Variants in TLX3 observed in about 807,000 individuals in gnomAD.
TLX3 encodes T-cell leukemia homeobox protein 3.
In TLX3, 11 loss-of-function variants were observed where a neutral mutation model predicts 19.6. The ratio of observed to expected loss-of-function variants is 0.56; its 90% CI spans 0.35 to 0.93. The LOEUF is 0.93. Among genes scored for constraint, TLX3 ranks in the 40% least tolerant of loss-of-function variants. The probability of loss-of-function intolerance (pLI) is 0.01; values close to 1 mark genes in which losing one functional copy is unlikely to be tolerated. For synonymous variants in TLX3, 221 were observed against 188.1 expected, an observed-to-expected ratio of 1.17 and a Z score of -1.43; for missense variants, 375 against 418.6, an observed-to-expected ratio of 0.90 and a Z score of 0.91.
Position 171,310,409 on chromosome 5 carries a change from C to G in TLX3, c.665+16C>G. 2 of 1,611,234 alleles carry G rather than the reference C, an allele frequency of 1.2e-6. No individual in the cohort carries two copies. Among genetic ancestry groups the G allele is most frequent in the South Asian group, 2.2e-5 (2 of 90,788 alleles). ...CCAAGTGGCGGTGAGAGAGGCCTGA[C>G]CCGGCCCACCTTACACCTGCCCTTC... On this transcript the variant is annotated intron_variant, in intron 2 of 2. Transcript: ENST00000296921.
chr5:171,311,300 C>A lies in TLX3; in HGVS notation c.666-89C>A. 8.1e-7 allele frequency: 1 copy of A among 1,231,592 alleles called. No individual in the cohort carries two copies. Among genetic ancestry groups the A allele is most frequent in the Non-Finnish European group, 1.1e-6 (1 of 900,562 alleles). 76.3% of individuals were successfully genotyped at this position (1,231,592 alleles called of 1,614,324 possible). On this transcript the variant is annotated intron_variant, in intron 2 of 2. Transcript: ENST00000296921. This position sits in a 1 kb window ranked among gnomAD's most constrained non-coding sequence, Gnocchi z 5.1. ...TCTGCGCCTCGAGGCTCCCGGATGG[C>A]CTCGGCTCCCGGGAGGGCCGGGGCC...
In TLX3 at chr5:171,311,322, G is replaced by T; in HGVS notation, c.666-67G>T. The T allele has an allele frequency of 6.9e-7, 1 of 1,449,194 alleles. No homozygotes were observed. The highest frequency in any genetic ancestry group is 9.2e-7 in the Non-Finnish European group (1 of 1,083,648). 89.8% of individuals were successfully genotyped at this position (1,449,194 alleles called of 1,614,324 possible). A position where few individuals can be genotyped will look rare whatever the true frequency, so the allele number is the denominator to read the frequency against. On this transcript the variant is annotated intron_variant, in intron 2 of 2. Transcript: ENST00000296921. This position sits in a 1 kb window ranked among gnomAD's most constrained non-coding sequence, Gnocchi z 5.1. ...TGGCCTCGGCTCCCGGGAGGGCCGG[G>T]GCCCCGCCGGCGGCCCCGCGGTGCC...
Position 171,310,226 on chromosome 5 carries a change from T to C in TLX3, c.498T>C (p.Arg166=). ...ACCAGAACCGGACGCCGCCCAAGCG[T>C]AAGAAGCCGCGCACGTCCTTTTCCC... ...HPYQNRTPPK[R]KKPRTSFSRV... is the part of the protein sequence containing the mutation. The change falls in exon 2 of 3, where the codon CGT becomes CGC. Residue 166 remains arginine, a synonymous_variant. Coordinates refer to ENST00000296921, the MANE Select transcript of TLX3 (RefSeq NM_021025.4). 1.3e-6 allele frequency: 2 copies of C among 1,557,802 alleles called. No individual in the cohort carries two copies. Among genetic ancestry groups the C allele is most frequent in the Admixed American group, 3.9e-5 (2 of 51,782 alleles).
At chr5:171,309,907 C>T (rs1401024797) in intron 1 of TLX3, 121 bp downstream of exon 1, 4 of 1,360,336 alleles carry the variant, frequency 2.9e-6, no homozygotes, top group Non-Finnish European at 3.9e-6. Flanking sequence ...AGGCCTCGGC[C>T]CCAGGGCCCC....
rs942959148 is a variant in TLX3 at position 171,311,973 on chromosome 5, C to A, written c.*374C>A. 7 of 196,836 alleles carry A rather than the reference C, an allele frequency of 3.6e-5. No homozygotes were observed. Among genetic ancestry groups the A allele is most frequent in the Non-Finnish European group, 7.4e-5 (7 of 94,640 alleles). 12.2% of individuals were successfully genotyped at this position (196,836 alleles called of 1,614,324 possible). On this transcript the variant is annotated 3_prime_UTR_variant, in exon 3 of 3. Coordinates refer to ENST00000296921, the MANE Select transcript of TLX3 (RefSeq NM_021025.4). This position sits in a 1 kb window ranked among gnomAD's most constrained non-coding sequence, Gnocchi z 5.1. Reference sequence around the variant, plus strand: ...GCTTTTTTCTTTAGAAACCGGCCACCTGCTTCCCCCGCGGGGGCCGCTGGA... The same window carrying A: ...GCTTTTTTCTTTAGAAACCGGCCACATGCTTCCCCCGCGGGGGCCGCTGGA...
Position 171,309,342 on chromosome 5 carries a change from G to T in TLX3, c.-24G>T, listed in dbSNP as rs1581210001. 1 of 580,044 alleles carries T rather than the reference G, an allele frequency of 1.7e-6. No homozygotes were observed. Among genetic ancestry groups the T allele is most frequent in the Non-Finnish European group, 2.9e-6 (1 of 342,274 alleles). The allele number at this position is 580,044 out of a possible 1,614,324, so 35.9% of individuals were successfully genotyped here. A position where few individuals can be genotyped will look rare whatever the true frequency, so the allele number is the denominator to read the frequency against. On this transcript the variant is annotated 5_prime_UTR_variant, in exon 1 of 3. Transcript: ENST00000296921. Reference sequence around the variant, plus strand: ...CCCAGCCGCCTCCCCGCCCAGCCCAGCCCAGCCCTTCCGCCCGCCCAGGAT... The same window carrying T: ...CCCAGCCGCCTCCCCGCCCAGCCCATCCCAGCCCTTCCGCCCGCCCAGGAT...
chr5:171,310,163 C>G lies in TLX3; in HGVS notation c.435C>G (p.Leu145=). 1 of 1,550,456 alleles carries G rather than the reference C, an allele frequency of 6.4e-7. No individual in the cohort carries two copies. The highest frequency in any genetic ancestry group is 8.7e-7 in the Non-Finnish European group (1 of 1,147,116). Residue 145 remains leucine (L), a synonymous_variant, in exon 2 of 3, where the codon CTC becomes CTG. Coordinates refer to ENST00000296921, the MANE Select transcript of TLX3 (RefSeq NM_021025.4). ...VKDRFTAAAA[L]TPFTVTRRIG... ...GTGTCTCCGCAGCGGCGGCCGCACT[C>G]ACGCCCTTCACCGTGACCCGGCGCA...
At position 171,311,782 on chromosome 5, in the gene TLX3, C is replaced by A. The variant is rs1031511306; in HGVS notation, c.*183C>A. ...AAGGGGGTAGGGCCCGAGCTCCGCG[C>A]GGCCGCACAATCCGAGCCCCCGCCC... On this transcript the variant is annotated 3_prime_UTR_variant, in exon 3 of 3. Coordinates refer to ENST00000296921, the MANE Select transcript of TLX3 (RefSeq NM_021025.4). This position sits in a 1 kb window ranked among gnomAD's most constrained non-coding sequence, Gnocchi z 5.1. 1.4e-5 allele frequency: 6 copies of A among 421,564 alleles called. No individual in the cohort carries two copies. The highest frequency in any genetic ancestry group is 3.8e-5 in the East Asian group (1 of 26,318). The allele number at this position is 421,564 out of a possible 1,614,324, so 26.1% of individuals were successfully genotyped here.
chr5:171,311,601 C>T lies in TLX3; in HGVS notation c.*2C>T, dbSNP rs747002973. 1.7e-5 allele frequency: 28 copies of T among 1,600,762 alleles called. No homozygotes were observed. In the Admixed American group the frequency reaches 4.7e-4, roughly 27 times the overall value. ...CCCGCTGTCACCTCCCTGGTGTGAG[C>T]CCACCAGCGCGCACCGTCGCCACGG... is the stretch of plus-strand genomic sequence containing the variant. On this transcript the variant is annotated 3_prime_UTR_variant, in exon 3 of 3. Coordinates refer to ENST00000296921, the MANE Select transcript of TLX3 (RefSeq NM_021025.4). This position sits in a 1 kb window ranked among gnomAD's most constrained non-coding sequence, Gnocchi z 5.1.
Position 171,311,329 on chromosome 5 carries a change from C to A in TLX3, c.666-60C>A. 6.8e-7 allele frequency: 1 copy of A among 1,472,444 alleles called. No individual in the cohort carries two copies. Among genetic ancestry groups the A allele is most frequent in the Non-Finnish European group, 9.1e-7 (1 of 1,101,928 alleles). The allele number at this position is 1,472,444 out of a possible 1,614,324, so 91.2% of individuals were successfully genotyped here. On this transcript the variant is annotated intron_variant, in intron 2 of 2. Coordinates refer to ENST00000296921, the MANE Select transcript of TLX3 (RefSeq NM_021025.4). This position sits in a 1 kb window ranked among gnomAD's most constrained non-coding sequence, Gnocchi z 5.1. ...GGCTCCCGGGAGGGCCGGGGCCCCGCCGGCGGCCCCGCGGTGCCGGGTGCA... is the reference window on the plus strand; with the variant it reads ...GGCTCCCGGGAGGGCCGGGGCCCCGACGGCGGCCCCGCGGTGCCGGGTGCA...
chr5:171,309,809 C>T (rs771279920), intron 1 of TLX3, 23 bp downstream of exon 1: 6 of 1,554,672 alleles, frequency 3.9e-6, no homozygotes, highest in Middle Eastern at 1.7e-4. Context: ...GGCGACCAGG[C>T]TCCAGGCCTC....
chr5:171,311,273 G>T lies in TLX3; in HGVS notation c.666-116G>T, dbSNP rs1045260667. 4 of 841,992 alleles carry T rather than the reference G, an allele frequency of 4.8e-6. No homozygotes were observed. Among genetic ancestry groups the T allele is most frequent in the Non-Finnish European group, 7.2e-6 (4 of 553,962 alleles). 52.2% of individuals were successfully genotyped at this position (841,992 alleles called of 1,614,324 possible). On this transcript the variant is annotated intron_variant, in intron 2 of 2. Transcript: ENST00000296921. This position sits in a 1 kb window ranked among gnomAD's most constrained non-coding sequence, Gnocchi z 5.1. ...AAAGCGCGGGCTGGGAGGCAGACGGGTTCTGCGCCTCGAGGCTCCCGGATG... is the reference window on the plus strand; with the variant it reads ...AAAGCGCGGGCTGGGAGGCAGACGGTTTCTGCGCCTCGAGGCTCCCGGATG...
rs763211166 is a variant in TLX3, at chr5:171,311,508, G to A, written c.785G>A (p.Cys262Tyr). 8 of 1,613,450 alleles carry A rather than the reference G, an allele frequency of 5.0e-6. No individual in the cohort carries two copies. The highest frequency in any genetic ancestry group is 6.8e-6 in the Non-Finnish European group (8 of 1,179,742). The change falls in exon 3 of 3, where the codon TGT becomes TAT. Residue 262 changes from cysteine to tyrosine, a missense_variant. Physicochemically the swap from Cys to Tyr is radical, Grantham distance 194 (BLOSUM62 -2). Transcript: ENST00000296921. The surrounding 1 kb of genome is among the most constrained non-coding windows in gnomAD (Gnocchi z 5.1). The stretch of plus-strand genomic sequence containing the variant: ...GACTCCATCCAGCCTGACCCGCTCT[G>A]TCTGCACAACTCGTCACTCTTTGCT... Reference protein sequence around the residue: ...LNDSIQPDPLCLHNSSLFALQ... With the variant: ...LNDSIQPDPLYLHNSSLFALQ...
intron 1 of TLX3, among the ~76,000 whole-genome samples, 169 bp from the exon 2 acceptor site, chr5:171,309,981 G>A (rs1212298641): frequency 6.6e-6 from 1 of 152,282 alleles, no homozygotes; most frequent in Admixed American, 6.5e-5. Flanking sequence ...CCCGGGGGAA[G>A]GGACAGGGGG....
At position 171,311,651 on chromosome 5, in the gene TLX3, G is replaced by T; in HGVS notation, c.*52G>T. 2.1e-6 allele frequency: 3 copies of T among 1,450,170 alleles called. No homozygotes were observed. Among genetic ancestry groups the T allele is most frequent in the Non-Finnish European group, 1.9e-6 (2 of 1,059,710 alleles). 89.8% of individuals were successfully genotyped at this position (1,450,170 alleles called of 1,614,324 possible). A position where few individuals can be genotyped will look rare whatever the true frequency, so the allele number is the denominator to read the frequency against. ...GATCGCCGCCCCCACCCAGCCGGGC[G>T]CCCCGGACCCCCCAGGCGGGCTGCG... On this transcript the variant is annotated 3_prime_UTR_variant, in exon 3 of 3. Coordinates refer to ENST00000296921, the MANE Select transcript of TLX3 (RefSeq NM_021025.4). This position sits in a 1 kb window ranked among gnomAD's most constrained non-coding sequence, Gnocchi z 5.1.
Position 171,311,254 on chromosome 5 carries a change from C to A in TLX3, c.666-135C>A, listed in dbSNP as rs918208852. On this transcript the variant is annotated intron_variant, in intron 2 of 2. Coordinates refer to ENST00000296921, the MANE Select transcript of TLX3 (RefSeq NM_021025.4). The surrounding 1 kb of genome is among the most constrained non-coding windows in gnomAD (Gnocchi z 5.1). ...ATATAAGAGCCTCGGGCGTAAAGCGCGGGCTGGGAGGCAGACGGGTTCTGC... is the reference window on the plus strand; with the variant it reads ...ATATAAGAGCCTCGGGCGTAAAGCGAGGGCTGGGAGGCAGACGGGTTCTGC... 3 of 688,676 alleles carry A rather than the reference C, an allele frequency of 4.4e-6. No homozygotes were observed. Among genetic ancestry groups the A allele is most frequent in the Non-Finnish European group, 7.2e-6 (3 of 419,020 alleles). The allele number at this position is 688,676 out of a possible 1,614,324, so 42.7% of individuals were successfully genotyped here.
chr5:171,310,732 GCACA>G (rs57258058), intron 2 of TLX3, among the ~76,000 whole-genome samples: 12 of 43,900 alleles, frequency 2.7e-4, no homozygotes, highest in African/African-American at 3.5e-4. Context: ...AAACACACAG[GCACA>G]CACACACACA....
chr5:171,309,626 G>C lies in TLX3; in HGVS notation c.261G>C (p.Val87=). Residue 87 remains valine (V), a synonymous_variant, in exon 1 of 3, where the codon GTG becomes GTC. Coordinates refer to ENST00000296921, the MANE Select transcript of TLX3 (RefSeq NM_021025.4). ...SVNLSLAPAG[V]IRVPAHRPLP... The stretch of plus-strand genomic sequence containing the variant: ...ACCTGAGCCTAGCGCCCGCAGGCGT[G>C]ATCCGGGTGCCGGCGCACAGGCCGC... 6.2e-7 allele frequency: 1 copy of C among 1,607,908 alleles called. No homozygotes were observed. The highest frequency in any genetic ancestry group is 8.5e-7 in the Non-Finnish European group (1 of 1,177,996).
rs772792144 is a variant in TLX3 at position 171,310,412 on chromosome 5, G to C, written c.665+19G>C. 1 of 1,610,478 alleles carries C rather than the reference G, an allele frequency of 6.2e-7. No homozygotes were observed. Among genetic ancestry groups the C allele is most frequent in the Admixed American group, 1.7e-5 (1 of 59,886 alleles). ...AGTGGCGGTGAGAGAGGCCTGACCC[G>C]GCCCACCTTACACCTGCCCTTCACC... On this transcript the variant is annotated intron_variant, in intron 2 of 2. Coordinates refer to ENST00000296921, the MANE Select transcript of TLX3 (RefSeq NM_021025.4).
Sources: allele counts gnomAD v4.1 joint callset (sites outside exome capture counted in the v4.1 genomes callset), GRCh38; gene constraint gnomAD v4.1.1; non-coding constraint Gnocchi (gnomAD v3.1); transcripts MANE v1.5; gene names NCBI Gene and HGNC (gene_info 2026-07-23, HGNC 2026-07-21).